The following CHL1 variants were observed in gnomAD, a reference collection of about 807,000 sequenced individuals.
CHL1 encodes the protein cell adhesion molecule L1 like.
Under a neutral mutation model 141.9 loss-of-function variants are expected in CHL1, and 96 were observed. The ratio of observed to expected loss-of-function variants is 0.68; its 90% CI spans 0.57 to 0.80. The LOEUF is 0.80. CHL1 is among the 30% of genes least tolerant of loss of function. The pLI is 0.00. For synonymous variants in CHL1, 613 were observed against 502.2 expected (o/e 1.22, Z -2.95); for missense variants, 1,820 against 1,457.2 (o/e 1.25, Z -4.05).
intron 1 of CHL1, among the ~76,000 whole-genome samples, chr3:206,527 C>G (rs1699464610): frequency 6.6e-6 from 1 of 151,714 alleles, no homozygotes; most frequent in Non-Finnish European, 1.5e-5. Flanking sequence ...GCCAGGAGTT[C>G]AAGACCAGCA....
At chr3:345,566 C>T (rs1215725833) in intron 9 of CHL1, among the ~76,000 whole-genome samples, 4 of 152,062 alleles carry the variant, frequency 2.6e-5, no homozygotes, top group Non-Finnish European at 5.9e-5. Context: ...TCACTGCAAC[C>T]TCTGCCTCCT....
chr3:344,462 A>G, intron 8 of CHL1, 127 bp from the exon 9 acceptor site: 1 of 502,254 alleles, frequency 2.0e-6, no homozygotes, highest in Non-Finnish European at 3.3e-6. Flanking sequence ...TGAAATGTGT[A>G]TAGAACACAC....
intron 5 of CHL1, among the ~76,000 whole-genome samples, chr3:332,056 C>T (rs1338917699): frequency 3.9e-5 from 6 of 152,170 alleles, no homozygotes; most frequent in African/African-American, 1.4e-4. Flanking sequence ...TACTTATGAC[C>T]AAACAATTCC....
intron 2 of CHL1, among the ~76,000 whole-genome samples, chr3:289,311 A>G (rs1052440436): frequency 6.6e-6 from 1 of 152,210 alleles, no homozygotes; most frequent in South Asian, 2.1e-4. Context: ...ACTTACCGAT[A>G]ACACATTACT....
intron 11 of CHL1, 64 bp downstream of exon 11, chr3:354,835 T>C (rs1040748466): frequency 2.3e-5 from 36 of 1,580,512 alleles, no homozygotes; most frequent in Non-Finnish European, 2.8e-5. Context: ...TTAATGATGG[T>C]CAGACGTGTG....
rs1700170310 is a variant in CHL1, at chr3:214,745, A to G, written c.-175+17682A>G. On this transcript the variant is annotated intron_variant, in intron 1 of 27. Coordinates refer to ENST00000256509, the MANE Select transcript of CHL1 (RefSeq NM_006614.4). The stretch of plus-strand genomic sequence containing the variant: ...TTTTCACTTATATCTACAAATACAG[A>G]AGATATAACTTATTAAAAGTTCAAT... Among the ~76,000 whole-genome samples, 5 of 152,190 alleles carry G rather than the reference A, an allele frequency of 3.3e-5. No individual in the cohort carries two copies. In the South Asian group the frequency reaches 1.0e-3, roughly 31 times the overall value.
intron 2 of CHL1, among the ~76,000 whole-genome samples, chr3:312,784 G>A (rs2124993488): frequency 6.6e-6 from 1 of 152,248 alleles, no homozygotes; most frequent in South Asian, 2.1e-4. Context: ...ATTTTATCAT[G>A]GAGAGAAAAG....
chr3:265,427 G>A (rs558843754), intron 2 of CHL1, among the ~76,000 whole-genome samples: 6 of 152,234 alleles, frequency 3.9e-5, no homozygotes, highest in African/African-American at 1.4e-4. Context: ...ATCTCTTACT[G>A]ATCACTGTAA....
At chr3:225,815 C>T (rs1261571157) in intron 1 of CHL1, among the ~76,000 whole-genome samples, 2 of 152,050 alleles carry the variant, frequency 1.3e-5, no homozygotes, top group African/African-American at 2.4e-5. Flanking sequence ...TGAGGCCATC[C>T]TGGCTAACTC....
At chr3:200,812 T>G (rs1226725318) in intron 1 of CHL1, among the ~76,000 whole-genome samples, 2 of 152,228 alleles carry the variant, frequency 1.3e-5, no homozygotes, top group African/African-American at 4.8e-5. Context: ...GAAACAATTC[T>G]CAATTTAATT....
chr3:343,093 G>T, intron 8 of CHL1, 62 bp downstream of exon 8: 2 of 1,337,018 alleles, frequency 1.5e-6, no homozygotes, highest in South Asian at 2.8e-5. Flanking sequence ...CTCAGATTTT[G>T]AATTTTTTCT....
chr3:364,731 G>C (rs1207560468), intron 14 of CHL1, among the ~76,000 whole-genome samples: 1 of 152,132 alleles, frequency 6.6e-6, no homozygotes, highest in East Asian at 1.9e-4. Context: ...TTAGTCTCAG[G>C]CAGATTTGGG....
intron 19 of CHL1, among the ~76,000 whole-genome samples, chr3:386,828 T>A (rs116424257): frequency 6.3e-4 from 96 of 152,282 alleles, no homozygotes; most frequent in African/African-American, 2.3e-3. Flanking sequence ...AAATATTGTA[T>A]AACATAATGA....
At chr3:356,305 A>G (rs1193469097) in intron 11 of CHL1, among the ~76,000 whole-genome samples, 1 of 152,242 alleles carries the variant, frequency 6.6e-6, no homozygotes, top group Non-Finnish European at 1.5e-5. Context: ...TTTGGATGGT[A>G]TTTGGCTGTT....
intron 4 of CHL1, among the ~76,000 whole-genome samples, chr3:326,721 T>A (rs1334766390): frequency 6.6e-6 from 1 of 151,852 alleles, no homozygotes; most frequent in Non-Finnish European, 1.5e-5. Context: ...TGGGAAGAAT[T>A]CCCAATATTA....
intron 5 of CHL1, among the ~76,000 whole-genome samples, chr3:330,189 TAAAAAAC>T (rs905759000): frequency 1.1e-4 from 16 of 152,180 alleles, no homozygotes; most frequent in African/African-American, 3.9e-4. Context: ...ATAGAAAACT[TAAAAAAC>T]TTATATCTTT....
chr3:371,734 G>C (rs1327565833), intron 15 of CHL1, among the ~76,000 whole-genome samples: 1 of 152,118 alleles, frequency 6.6e-6, no homozygotes, highest in Admixed American at 6.6e-5. Flanking sequence ...GTTTTTGCAT[G>C]ACTGGTTCTG....
At chr3:320,778 A>T (rs1206542376) in intron 3 of CHL1, among the ~76,000 whole-genome samples, 1 of 152,126 alleles carries the variant, frequency 6.6e-6, no homozygotes, top group Non-Finnish European at 1.5e-5. Context: ...TAGATCTTGC[A>T]GATTTTTCTT....
At chr3:367,815 G>T (rs2201913) in intron 15 of CHL1, among the ~76,000 whole-genome samples, 1 of 151,806 alleles carries the variant, frequency 6.6e-6, no homozygotes, top group Non-Finnish European at 1.5e-5. Context: ...AAAAGTCCCT[G>T]GTATGTGTGA....
Sources: gnomAD v4.1 joint callset for allele counts (sites outside exome capture counted in the v4.1 genomes callset) on GRCh38, gnomAD v4.1.1 for gene constraint, MANE v1.5 for transcripts, NCBI Gene and HGNC (gene_info 2026-07-23, HGNC 2026-07-21) for gene names.